The following ZNF469 variants were observed in gnomAD, a reference collection of about 807,000 sequenced individuals.
The protein encoded by ZNF469 is zinc finger protein 469.
A neutral mutation model predicts 1.0 loss-of-function variants in ZNF469; 1 was observed. The observed-to-expected ratio is 1.00, with a 90% CI of 0.35 to 4.73. ZNF469 has a LOEUF of 4.73. Ranked by LOEUF, ZNF469 falls within the 30% of genes most tolerant of loss-of-function variation. The pLI is 0.16. For synonymous variants in ZNF469, 2,703 were observed against 2,363.4 expected (o/e 1.14, Z -4.17); for missense variants, 6,100 against 5,356.3 (o/e 1.14, Z -4.33).
chr16:88,352,935 G>A, the ZNF469 span, among the ~76,000 whole-genome samples: 469 of 152,276 alleles, frequency 3.1e-3, 9 homozygotes, highest in East Asian at 0.038. Context: ...GGGAGGTGGG[G>A]GCAGAGAGCC....
chr16:88,124,498 C>G, the ZNF469 span, among the ~76,000 whole-genome samples: 2 of 152,216 alleles, frequency 1.3e-5, no homozygotes. Flanking sequence ...GCTGGGATCA[C>G]AGGCATGAGC....
At position 88,430,503 on chromosome 16, in the gene ZNF469, G is replaced by A; in HGVS notation, c.3033G>A (p.Arg1011=). 5 of 1,422,336 alleles carry A rather than the reference G, an allele frequency of 3.5e-6. No individual in the cohort carries two copies. Among genetic ancestry groups the A allele is most frequent in the Non-Finnish European group, 4.6e-6 (5 of 1,098,554 alleles). The allele number at this position is 1,422,336 out of a possible 1,614,324, so 88.1% of individuals were successfully genotyped here. The part of the protein sequence containing the change: ...APGSRADPAP[R]VPRAAALPEE... ...GGAGCCGCGCAGACCCCGCGCCCCG[G>A]GTCCCGAGAGCCGCCGCCCTCCCCG... Residue 1011 remains arginine (R), a synonymous_variant, in exon 3 of 3, where the codon CGG becomes CGA. Transcript: ENST00000565624.
At chr16:88,270,733 T>C in the ZNF469 span, among the ~76,000 whole-genome samples, 2 of 152,226 alleles carry the variant, frequency 1.3e-5, no homozygotes, top group Non-Finnish European at 2.9e-5. Flanking sequence ...TTTGCCTGCT[T>C]CTCATTCCTC....
chr16:88,408,910 C>G (rs1395639840), intron 1 of ZNF469, among the ~76,000 whole-genome samples: 1 of 151,818 alleles, frequency 6.6e-6, no homozygotes, highest in Non-Finnish European at 1.5e-5. Flanking sequence ...AAGAAAAACA[C>G]TCATAGGGAA....
the ZNF469 span, among the ~76,000 whole-genome samples, chr16:88,329,939 C>G: frequency 6.6e-6 from 1 of 152,176 alleles, no homozygotes; most frequent in East Asian, 1.9e-4. Context: ...CATCCAGGCA[C>G]CCAAAGGAAC....
At chr16:88,131,293 G>T in the ZNF469 span, among the ~76,000 whole-genome samples, 1 of 152,336 alleles carries the variant, frequency 6.6e-6, no homozygotes, top group Admixed American at 6.5e-5. Context: ...CGAAACAAAA[G>T]AAGTCAAAAC....
chr16:88,412,726 G>A (rs1026215512), intron 1 of ZNF469, among the ~76,000 whole-genome samples: 8 of 152,162 alleles, frequency 5.3e-5, no homozygotes, highest in Admixed American at 6.5e-5. Flanking sequence ...TCGTCAGGGC[G>A]GGGACAGCTT....
chr16:88,231,450 A>G, the ZNF469 span, among the ~76,000 whole-genome samples: 73 of 152,298 alleles, frequency 4.8e-4, no homozygotes, highest in African/African-American at 1.7e-3. The surrounding 1 kb of genome is among the most constrained non-coding windows in gnomAD (Gnocchi z 4.5). Flanking sequence ...CTGCGACGAG[A>G]TGACCACAGG....
chr16:88,289,781 A>G, the ZNF469 span, among the ~76,000 whole-genome samples: 5 of 152,250 alleles, frequency 3.3e-5, 1 homozygote, highest in African/African-American at 1.2e-4. Flanking sequence ...AAATGCAGAA[A>G]CTGGCAGATG....
At chr16:88,398,785 G>A (rs1904772158) in intron 1 of ZNF469, among the ~76,000 whole-genome samples, 1 of 152,216 alleles carries the variant, frequency 6.6e-6, no homozygotes, top group South Asian at 2.1e-4. Context: ...TGGCTCCTTT[G>A]CAGCAGCCCA....
chr16:88,310,466 C>A, the ZNF469 span, among the ~76,000 whole-genome samples: 1 of 152,142 alleles, frequency 6.6e-6, no homozygotes, highest in Non-Finnish European at 1.5e-5. Context: ...CCGGTGGAAC[C>A]ATTTGCACAC....
chr16:88,270,293 C>T, the ZNF469 span, among the ~76,000 whole-genome samples: 2 of 152,292 alleles, frequency 1.3e-5, no homozygotes, highest in African/African-American at 2.4e-5. Flanking sequence ...TTCCCAAGGA[C>T]GTTGAGGGTG....
At chr16:88,235,363 T>G in the ZNF469 span, among the ~76,000 whole-genome samples, 1 of 152,136 alleles carries the variant, frequency 6.6e-6, no homozygotes, top group African/African-American at 2.4e-5. Context: ...TGAGGCTCTC[T>G]CCTTTGAGTG....
the ZNF469 span, among the ~76,000 whole-genome samples, chr16:88,181,625 C>T: frequency 6.6e-6 from 1 of 152,132 alleles, no homozygotes; most frequent in Non-Finnish European, 1.5e-5. Context: ...AAAGAAAATA[C>T]ATATGACAAT....
chr16:88,310,226 C>G, the ZNF469 span, among the ~76,000 whole-genome samples: 1 of 152,148 alleles, frequency 6.6e-6, no homozygotes, highest in South Asian at 2.1e-4. Context: ...CAGGCACCTG[C>G]TGACTTCCTC....
At chr16:88,248,154 C>T in the ZNF469 span, among the ~76,000 whole-genome samples, 559 of 152,012 alleles carry the variant, frequency 3.7e-3, 6 homozygotes, top group East Asian at 0.03. Flanking sequence ...GTGGGATACA[C>T]AAGGAGAGAA....
the ZNF469 span, among the ~76,000 whole-genome samples, chr16:88,320,997 C>T: frequency 1.3e-5 from 2 of 152,218 alleles, no homozygotes; most frequent in African/African-American, 4.8e-5. Context: ...AATGAGACAC[C>T]GTGGCTGCCA....
At chr16:88,380,946 A>C (rs1458768552), upstream of ZNF469, among the ~76,000 whole-genome samples, 1 of 139,560 alleles carries the variant, frequency 7.2e-6, no homozygotes, top group Non-Finnish European at 1.5e-5. Flanking sequence ...TCACACACAG[A>C]CACGCCCTCA....
chr16:88,342,732 G>T, the ZNF469 span, among the ~76,000 whole-genome samples: 5 of 152,232 alleles, frequency 3.3e-5, no homozygotes, highest in African/African-American at 1.2e-4. Flanking sequence ...GGTGGCATCT[G>T]TTCTGCGTTG....
Sources: allele counts gnomAD v4.1 joint callset (sites outside exome capture counted in the v4.1 genomes callset), GRCh38; gene constraint gnomAD v4.1.1; non-coding constraint Gnocchi (gnomAD v3.1); transcripts MANE v1.5; gene names NCBI Gene and HGNC (gene_info 2026-07-23, HGNC 2026-07-21).